Variants in ACAD10 observed in about 807,000 individuals in gnomAD.
The protein encoded by ACAD10 is ACAD-10.
A neutral mutation model predicts 116.8 loss-of-function variants in ACAD10; 112 were observed. That is an observed-to-expected ratio of 0.96 (90% confidence interval 0.82 to 1.12). The LOEUF (loss-of-function observed/expected upper bound fraction) is 1.12. ACAD10 is among the 50% of genes most tolerant of loss of function. The probability of loss-of-function intolerance (pLI) is 0.00; values close to 1 mark genes in which losing one functional copy is unlikely to be tolerated. For synonymous variants in ACAD10, 486 were observed against 510.6 expected (o/e 0.95, Z 0.65); for missense variants, 1,259 against 1,350.2 (o/e 0.93, Z 1.06).
intron 5 of ACAD10, chr12:111,710,496 A>ATT: frequency 4.1e-6 from 1 of 243,036 alleles, no homozygotes; most frequent in Non-Finnish European, 8.3e-6. Context: ...GGTATTGTGA[A>ATT]ATTTTTTTTT....
chr12:111,702,045 A>G, intron 2 of ACAD10, 117 bp from the exon 3 acceptor site: 2 of 1,122,504 alleles, frequency 1.8e-6, no homozygotes, highest in Non-Finnish European at 1.3e-6. Flanking sequence ...AATTTCCAAC[A>G]GCATCCACCC....
intron 10 of ACAD10, among the ~76,000 whole-genome samples, chr12:111,732,084 A>G (rs1238998848): frequency 6.6e-6 from 1 of 152,170 alleles, no homozygotes; most frequent in Non-Finnish European, 1.5e-5. Flanking sequence ...CCATCTCAAA[A>G]AACAACAAAA....
chr12:111,701,729 C>T (rs1888355017), intron 2 of ACAD10, among the ~76,000 whole-genome samples: 1 of 152,148 alleles, frequency 6.6e-6, no homozygotes, highest in Admixed American at 6.6e-5. Flanking sequence ...TTTCAGTGTA[C>T]TCACTCCATG....
At chr12:111,697,141 T>C (rs1888211203) in intron 2 of ACAD10, among the ~76,000 whole-genome samples, 1 of 151,456 alleles carries the variant, frequency 6.6e-6, no homozygotes, top group Non-Finnish European at 1.5e-5. Flanking sequence ...CTCGGGAGAC[T>C]GAGGCAGGAG....
intron 8 of ACAD10, among the ~76,000 whole-genome samples, chr12:111,723,008 C>A (rs1282683800): frequency 6.8e-6 from 1 of 146,354 alleles, no homozygotes; most frequent in African/African-American, 2.5e-5. Context: ...GGTGGCCGGG[C>A]GGGGGGCTGA....
intron 2 of ACAD10, among the ~76,000 whole-genome samples, chr12:111,697,960 G>A (rs546993884): frequency 1.2e-4 from 17 of 136,524 alleles, no homozygotes; most frequent in African/African-American, 3.6e-4. Flanking sequence ...TTTTTGAGTC[G>A]GAGTCTCACA....
intron 12 of ACAD10, among the ~76,000 whole-genome samples, chr12:111,743,320 T>C (rs1490657290): frequency 1.3e-5 from 2 of 151,796 alleles, no homozygotes; most frequent in Non-Finnish European, 2.9e-5. Flanking sequence ...GGGGCAGGGG[T>C]TGAGTACAAA....
chr12:111,703,052 C>T (rs984415690), intron 3 of ACAD10, among the ~76,000 whole-genome samples: 1 of 149,808 alleles, frequency 6.7e-6, no homozygotes, highest in African/African-American at 2.5e-5. Context: ...CCACTGCACT[C>T]CAGCTTGGGC....
chr12:111,741,309 T>C lies in ACAD10; in HGVS notation c.1715-3334T>C, dbSNP rs2135985181. Among the ~76,000 whole-genome samples, 2 of 152,342 alleles carry C rather than the reference T, an allele frequency of 1.3e-5. 1 individual carries two copies. The highest frequency in any genetic ancestry group is 4.1e-4 in the South Asian group (2 of 4,828). ...TTAAACAGAATGGCTGCTAAGTCCT[T>C]ATGGTGATGAATAGTCCTGGTCACC... On this transcript the variant is annotated intron_variant, in intron 12 of 20. Transcript: ENST00000313698.
At position 111,746,276 on chromosome 12, in the gene ACAD10, G is replaced by A; in HGVS notation, c.2248G>A (p.Ala750Thr). Residue 750 changes from alanine (A) to threonine (T), a missense_variant, in exon 14 of 21, where the codon GCC (alanine) becomes ACC (threonine). Transcript: ENST00000313698. ...TGAGCTCATGGGCACGTCCCTGTAT[G>A]CCCCCGAGGTACCTTCTTTAAAGTT... ...LCELMGTSLY[A>T]PEVCNCSAPD... 6.2e-7 allele frequency: 1 copy of A among 1,611,350 alleles called. No homozygotes were observed. Among genetic ancestry groups the A allele is most frequent in the Non-Finnish European group, 8.5e-7 (1 of 1,179,172 alleles).
intron 5 of ACAD10, among the ~76,000 whole-genome samples, chr12:111,712,135 G>T (rs993523002): frequency 6.6e-6 from 1 of 152,216 alleles, no homozygotes; most frequent in African/African-American, 2.4e-5. Flanking sequence ...GGATGGATGC[G>T]TCAGCTTATA....
At chr12:111,722,203 A>G (rs1238501122) in intron 8 of ACAD10, among the ~76,000 whole-genome samples, 1 of 152,058 alleles carries the variant, frequency 6.6e-6, no homozygotes, top group Non-Finnish European at 1.5e-5. Context: ...CTGGGATTAC[A>G]GGTGCCCCCT....
In ACAD10 at chr12:111,755,723, G is replaced by A. The variant is rs747732996; in HGVS notation, c.3017G>A (p.Arg1006Gln). Residue 1006 changes from arginine (R) to glutamine (Q), a missense_variant, in exon 20 of 21, where the codon CGA becomes CAA. Coordinates refer to ENST00000313698, the MANE Select transcript of ACAD10 (RefSeq NM_025247.6). ...IKMVAPSMAS[R>Q]VIDRAIQAFG... ...ATGGTCGCCCCGTCCATGGCCTCCC[G>A]AGTGATTGATCGTGCGATTCAGGTG... 11 of 1,613,712 alleles carry A rather than the reference G, an allele frequency of 6.8e-6. No individual in the cohort carries two copies. Among genetic ancestry groups the A allele is most frequent in the African/African-American group, 2.7e-5 (2 of 74,908 alleles).
chr12:111,704,688 C>CTTTTTTTTTTTTTTTTTT (rs59745029), intron 3 of ACAD10, among the ~76,000 whole-genome samples: 2 of 126,154 alleles, frequency 1.6e-5, no homozygotes, highest in Non-Finnish European at 3.3e-5. Flanking sequence ...TTCTTTCTTT[C>CTTTTTTTTTTTTTTTTTT]TTTTTTTTTT....
At chr12:111,745,522 G>C (rs1889866895) in intron 13 of ACAD10, 1 of 181,406 alleles carries the variant, frequency 5.5e-6, no homozygotes, top group Admixed American at 6.0e-5. Flanking sequence ...GATTGTGTTA[G>C]TTTTGAAATT....
chr12:111,747,215 C>A, intron 15 of ACAD10, 29 bp downstream of exon 15: 1 of 1,608,230 alleles, frequency 6.2e-7, no homozygotes, highest in South Asian at 1.1e-5. Context: ...CACCCACTTG[C>A]CTGGCCCTGT....
At chr12:111,711,224 G>A (rs536951215) in intron 5 of ACAD10, among the ~76,000 whole-genome samples, 1 of 152,194 alleles carries the variant, frequency 6.6e-6, no homozygotes, top group African/African-American at 2.4e-5. Context: ...TTGTTGAGAC[G>A]GAGTCTCATT....
At position 111,727,990 on chromosome 12, in the gene ACAD10, G is replaced by C; in HGVS notation, c.1090G>C (p.Glu364Gln). ...SVIGTPFYVM[E>Q]YCPGLIYKDP... ...CATTGGCACCCCCTTCTATGTGATG[G>C]AGTACTGCCCAGGTCTCATCTACAA... is the stretch of plus-strand genomic sequence containing the variant. The change falls in exon 9 of 21, where the codon GAG becomes CAG. Residue 364 changes from glutamate to glutamine, a missense_variant. Transcript: ENST00000313698. The C allele has an allele frequency of 6.2e-7, 1 of 1,613,012 alleles. No individual in the cohort carries two copies. Among genetic ancestry groups the C allele is most frequent in the East Asian group, 2.2e-5 (1 of 44,872 alleles).
chr12:111,726,786 G>A (rs576538920), intron 8 of ACAD10, among the ~76,000 whole-genome samples: 59 of 151,928 alleles, frequency 3.9e-4, no homozygotes, highest in African/African-American at 9.2e-4. Flanking sequence ...ACTTGAACCC[G>A]GGAGGCGGAG....
Sources: allele counts gnomAD v4.1 joint callset (sites outside exome capture counted in the v4.1 genomes callset), GRCh38; gene constraint gnomAD v4.1.1; transcripts MANE v1.5; gene names NCBI Gene and HGNC (gene_info 2026-07-23, HGNC 2026-07-21).